The following SCHIP1 variants were observed in gnomAD, a reference collection of about 807,000 sequenced individuals.
SCHIP1 encodes the protein schwannomin interacting protein 1.
A neutral mutation model predicts 29.7 loss-of-function variants in SCHIP1; 8 were observed. That is an observed-to-expected ratio of 0.27 (90% confidence interval 0.16 to 0.49). SCHIP1 has a LOEUF of 0.49. SCHIP1 is among the 20% of genes least tolerant of loss of function. The pLI, the probability that SCHIP1 is intolerant of heterozygous loss-of-function variation, is 0.99. For synonymous variants in SCHIP1, 76 were observed against 94.9 expected (o/e 0.80, Z 1.16); for missense variants, 193 against 294.6 (o/e 0.66, Z 2.52).
chr3:159,691,915 T>C, the SCHIP1 span, among the ~76,000 whole-genome samples: 15 of 152,270 alleles, frequency 9.9e-5, no homozygotes, highest in African/African-American at 3.4e-4. Flanking sequence ...TTTAAGAATG[T>C]TGAATATTGG....
the SCHIP1 span, among the ~76,000 whole-genome samples, chr3:159,385,534 G>GAGAT: frequency 6.7e-6 from 1 of 148,938 alleles, no homozygotes; most frequent in Non-Finnish European, 1.5e-5. Context: ...TTCAGCCTGG[G>GAGAT]AGATAGATCA....
At chr3:159,892,482 G>C in intron 6 of SCHIP1, 1 of 563,500 alleles carries the variant, frequency 1.8e-6, no homozygotes. Flanking sequence ...TACCTTGAAG[G>C]ACTGTCCCCT....
At chr3:159,313,893 G>A in the SCHIP1 span, among the ~76,000 whole-genome samples, 1 of 152,052 alleles carries the variant, frequency 6.6e-6, no homozygotes, top group Non-Finnish European at 1.5e-5. Context: ...CACAATTTTG[G>A]TTTGCCTGAT....
the SCHIP1 span, among the ~76,000 whole-genome samples, chr3:159,356,158 T>C: frequency 6.6e-6 from 1 of 151,920 alleles, no homozygotes; most frequent in African/African-American, 2.4e-5. Flanking sequence ...TGTATACATA[T>C]GTAACTAACC....
At chr3:159,892,856 G>A (rs898368439) in intron 6 of SCHIP1, 1 of 152,326 alleles carries the variant, frequency 6.6e-6, no homozygotes, top group Non-Finnish European at 1.5e-5. Context: ...AAAGTACCTG[G>A]AATACTGTAA....
At chr3:159,743,425 C>T in the SCHIP1 span, among the ~76,000 whole-genome samples, 3 of 152,172 alleles carry the variant, frequency 2.0e-5, no homozygotes, top group Non-Finnish European at 4.4e-5. Context: ...TACTTAACAA[C>T]AACCTGGATG....
chr3:159,759,633 T>C, the SCHIP1 span, among the ~76,000 whole-genome samples: 1 of 152,176 alleles, frequency 6.6e-6, no homozygotes, highest in Non-Finnish European at 1.5e-5. Flanking sequence ...ATGTTCTGTA[T>C]CCAGGACCCT....
chr3:159,432,327 T>A, the SCHIP1 span, among the ~76,000 whole-genome samples: 7 of 106,326 alleles, frequency 6.6e-5, no homozygotes, highest in South Asian at 2.7e-4. Context: ...TGTGTGTGTG[T>A]GTGTGTGTGT....
the SCHIP1 span, among the ~76,000 whole-genome samples, chr3:159,385,773 A>G: frequency 1.3e-5 from 2 of 152,162 alleles, no homozygotes; most frequent in African/African-American, 4.8e-5. Context: ...TTACATAGGT[A>G]TACATGTGCC....
the SCHIP1 span, among the ~76,000 whole-genome samples, chr3:159,534,103 T>A: frequency 6.6e-6 from 1 of 152,212 alleles, no homozygotes; most frequent in Non-Finnish European, 1.5e-5. Flanking sequence ...ATATTGTTTT[T>A]AATAATGTAC....
At chr3:159,683,576 CCT>C in the SCHIP1 span, among the ~76,000 whole-genome samples, 1 of 152,102 alleles carries the variant, frequency 6.6e-6, no homozygotes, top group East Asian at 1.9e-4. Context: ...AAAGGCCTTC[CCT>C]CTGTCTTTCC....
chr3:159,366,009 G>T, the SCHIP1 span, among the ~76,000 whole-genome samples: 1 of 143,980 alleles, frequency 6.9e-6, no homozygotes, highest in Non-Finnish European at 1.5e-5. Flanking sequence ...CCAAGACAGG[G>T]TTGTTGTTTA....
the SCHIP1 span, among the ~76,000 whole-genome samples, chr3:159,422,068 A>G: frequency 6.6e-6 from 1 of 152,210 alleles, no homozygotes; most frequent in Admixed American, 6.5e-5. Context: ...TTAGTTGCTA[A>G]ATTTAAATTC....
the SCHIP1 span, chr3:159,275,010 C>T: frequency 1.2e-5 from 12 of 980,574 alleles, no homozygotes; most frequent in Non-Finnish European, 1.3e-5. Flanking sequence ...CTTCTTAACT[C>T]TTCAGTAATT....
the SCHIP1 span, chr3:159,763,980 G>A: frequency 6.6e-6 from 1 of 152,294 alleles, no homozygotes; most frequent in Admixed American, 6.6e-5. Context: ...CCGGGCCGGG[G>A]CGGGGGGTGG....
chr3:159,781,396 G>A, the SCHIP1 span, among the ~76,000 whole-genome samples: 12 of 152,222 alleles, frequency 7.9e-5, no homozygotes, highest in South Asian at 2.1e-4. Context: ...GGCTGGTCTC[G>A]AACTCCTGAT....
chr3:159,307,016 A>T, the SCHIP1 span, among the ~76,000 whole-genome samples: 1 of 152,216 alleles, frequency 6.6e-6, no homozygotes, highest in East Asian at 1.9e-4. Context: ...AAAACAGATT[A>T]TGCAAAGAGA....
At chr3:159,506,568 T>C in the SCHIP1 span, among the ~76,000 whole-genome samples, 1 of 152,264 alleles carries the variant, frequency 6.6e-6, no homozygotes, top group African/African-American at 2.4e-5. Flanking sequence ...TGGTATTGCC[T>C]AGGTTTTCTC....
chr3:159,773,101 T>C, the SCHIP1 span, among the ~76,000 whole-genome samples: 3 of 152,238 alleles, frequency 2.0e-5, no homozygotes, highest in African/African-American at 4.8e-5. Flanking sequence ...GCTGAAGAGA[T>C]GAATGGTCTT....
Sources: allele counts gnomAD v4.1 joint callset (sites outside exome capture counted in the v4.1 genomes callset), GRCh38; gene constraint gnomAD v4.1.1; transcripts MANE v1.5; gene names NCBI Gene and HGNC (gene_info 2026-07-23, HGNC 2026-07-21).